Variants in KIAA1217 observed in about 807,000 individuals in gnomAD.
KIAA1217 encodes the protein KIAA1217, also known as sickle tail protein homolog.
A neutral mutation model predicts 163.9 loss-of-function variants in KIAA1217; 88 were observed. The ratio of observed to expected loss-of-function variants is 0.54; its 90% confidence interval spans 0.45 to 0.64. KIAA1217 has a LOEUF of 0.64. KIAA1217 is among the 30% of genes least tolerant of loss of function. The probability of loss-of-function intolerance (pLI) is 0.00; values close to 1 mark genes in which losing one functional copy is unlikely to be tolerated. For missense variants in KIAA1217, 2,372 were observed against 2,475.0 expected, an observed-to-expected ratio of 0.96 and a Z score of 0.88; for synonymous variants, 903 against 923.1, an observed-to-expected ratio of 0.98 and a Z score of 0.39.
intron 2 of KIAA1217, among the ~76,000 whole-genome samples, chr10:24,009,211 G>C (rs1377660641): frequency 2.0e-5 from 3 of 152,034 alleles, no homozygotes; most frequent in Non-Finnish European, 2.9e-5. Flanking sequence ...ATCTTTTTTG[G>C]GTATAGAATG....
At chr10:23,986,679 G>GCTAAT (rs1300926888) in intron 1 of KIAA1217, among the ~76,000 whole-genome samples, 1 of 152,110 alleles carries the variant, frequency 6.6e-6, no homozygotes, top group East Asian at 1.9e-4. Flanking sequence ...TCGCAAATGT[G>GCTAAT]GCTTCCTGTG....
intron 1 of KIAA1217, among the ~76,000 whole-genome samples, chr10:23,848,877 A>T (rs1011428411): frequency 6.6e-6 from 1 of 152,016 alleles, no homozygotes; most frequent in African/African-American, 2.4e-5. Context: ...AGCACTATTT[A>T]CCTCATCCTC....
chr10:23,916,117 C>G (rs1842624781), intron 1 of KIAA1217, among the ~76,000 whole-genome samples: 2 of 152,168 alleles, frequency 1.3e-5, no homozygotes, highest in South Asian at 4.1e-4. Context: ...CAGGTTAATA[C>G]TGTCAGATTG....
At chr10:24,539,152 CACTG>C (rs1159522292) in intron 17 of KIAA1217, among the ~76,000 whole-genome samples, 2 of 152,190 alleles carry the variant, frequency 1.3e-5, no homozygotes, top group African/African-American at 4.8e-5. Context: ...CTGTCTAGAA[CACTG>C]ACTGGGAATT....
At chr10:24,407,138 C>A (rs2131246726) in intron 3 of KIAA1217, among the ~76,000 whole-genome samples, 1 of 152,250 alleles carries the variant, frequency 6.6e-6, no homozygotes, top group African/African-American at 2.4e-5. Flanking sequence ...CCCAAGAAGT[C>A]TGAGAGGAAG....
intron 3 of KIAA1217, among the ~76,000 whole-genome samples, chr10:24,397,735 T>C (rs1387724906): frequency 2.6e-5 from 4 of 152,154 alleles, no homozygotes; most frequent in Admixed American, 2.6e-4. Context: ...CATGTAGTGA[T>C]CACTTGAACA....
In KIAA1217 at chr10:24,081,626, A is replaced by T. The variant is rs541528025; in HGVS notation, c.-171+74252A>T. ...GCACAGTCTAAAACAGAGGTGTCCAATCTTTTGGCTTCCCTGGGCCACATT... is the reference window on the plus strand; with the variant it reads ...GCACAGTCTAAAACAGAGGTGTCCATTCTTTTGGCTTCCCTGGGCCACATT... On this transcript the variant is annotated intron_variant, in intron 2 of 18. Transcript: ENST00000376462. 4.6e-5 allele frequency among the ~76,000 whole-genome samples: 7 copies of T among 152,288 alleles called. No individual in the cohort carries two copies. In the East Asian group the frequency reaches 1.4e-3, roughly 29 times the overall value.
At chr10:24,266,739 A>G (rs1026201917) in intron 2 of KIAA1217, among the ~76,000 whole-genome samples, 1 of 152,208 alleles carries the variant, frequency 6.6e-6, no homozygotes, top group African/African-American at 2.4e-5. Context: ...GATTAAAAAA[A>G]GGGCATTCTG....
intron 2 of KIAA1217, among the ~76,000 whole-genome samples, chr10:24,063,002 T>C (rs2131606065): frequency 6.6e-6 from 1 of 152,154 alleles, no homozygotes; most frequent in South Asian, 2.1e-4. Flanking sequence ...TTTTTTCTTG[T>C]AAGTTTGTTT....
At chr10:24,503,182 A>G (rs1222439744) in intron 9 of KIAA1217, among the ~76,000 whole-genome samples, 2 of 152,188 alleles carry the variant, frequency 1.3e-5, no homozygotes, top group African/African-American at 4.8e-5. Flanking sequence ...CCTACCAGAA[A>G]ACACACAGAA....
At chr10:24,045,550 A>C (rs962418456) in intron 2 of KIAA1217, among the ~76,000 whole-genome samples, 5 of 151,534 alleles carry the variant, frequency 3.3e-5, no homozygotes, top group African/African-American at 1.2e-4. Context: ...TTATCTCTTG[A>C]GTTTTTCTAG....
intron 9 of KIAA1217, among the ~76,000 whole-genome samples, chr10:24,512,560 T>TA (rs2069358771): frequency 6.6e-6 from 1 of 152,216 alleles, no homozygotes; most frequent in Non-Finnish European, 1.5e-5. Flanking sequence ...ACAGGTAGCC[T>TA]ACCTCCAATC....
intron 17 of KIAA1217, chr10:24,542,478 A>G (rs1013908115): frequency 7.9e-6 from 11 of 1,393,426 alleles, no homozygotes; most frequent in Non-Finnish European, 9.3e-6. Flanking sequence ...TCTTTTGCTA[A>G]TTGAGATTTT....
At chr10:24,466,877 T>A in intron 5 of KIAA1217, 1 of 759,326 alleles carries the variant, frequency 1.3e-6, no homozygotes, top group Non-Finnish European at 1.6e-6. Flanking sequence ...GTGGTCTGAT[T>A]GAGTGGTATG....
At chr10:23,790,374 TATGTATATATAC>T (rs1835781612) in intron 1 of KIAA1217, among the ~76,000 whole-genome samples, 1 of 94,548 alleles carries the variant, frequency 1.1e-5, no homozygotes, top group Non-Finnish European at 2.0e-5. Context: ...TACATATACA[TATGTATATATAC>T]ATATGTATAT....
chr10:24,297,908 G>T (rs2040810935), intron 2 of KIAA1217, among the ~76,000 whole-genome samples: 1 of 151,452 alleles, frequency 6.6e-6, no homozygotes, highest in South Asian at 2.1e-4. Flanking sequence ...CATGAAATAG[G>T]ACAAAGGCCA....
chr10:24,220,306 C>T (rs1160709719), intron 2 of KIAA1217, among the ~76,000 whole-genome samples: 2 of 152,158 alleles, frequency 1.3e-5, no homozygotes, highest in Admixed American at 1.3e-4. Context: ...GTGCTTAGCA[C>T]TGTGAATGAA....
At chr10:23,863,108 C>T (rs1430095969) in intron 1 of KIAA1217, among the ~76,000 whole-genome samples, 1 of 152,114 alleles carries the variant, frequency 6.6e-6, no homozygotes, top group African/African-American at 2.4e-5. Flanking sequence ...AGCTCTGTGA[C>T]CCTGGGGATA....
At chr10:24,303,755 A>G (rs1488759308) in intron 2 of KIAA1217, among the ~76,000 whole-genome samples, 1 of 152,148 alleles carries the variant, frequency 6.6e-6, no homozygotes, top group East Asian at 1.9e-4. Context: ...TGAGTCCTTG[A>G]ATTCAAGGTC....
Sources: allele counts gnomAD v4.1 joint callset (sites outside exome capture counted in the v4.1 genomes callset), GRCh38; gene constraint gnomAD v4.1.1; transcripts MANE v1.5; gene names NCBI Gene and HGNC (gene_info 2026-07-23, HGNC 2026-07-21).